The following UBXN2A variants were observed in gnomAD, a reference collection of about 807,000 sequenced individuals.
UBXN2A encodes the protein UBX domain-containing protein 2A.
In UBXN2A, 28 loss-of-function variants were observed where a neutral mutation model predicts 28.4. That is an observed-to-expected ratio of 0.99 (90% CI 0.73 to 1.35). UBXN2A has a LOEUF of 1.35. Among genes scored for constraint, UBXN2A ranks in the 40% most tolerant of loss-of-function variants. The pLI, the probability that UBXN2A is intolerant of heterozygous loss-of-function variation, is 0.00. For synonymous variants in UBXN2A, 97 were observed against 103.6 expected (o/e 0.94, Z 0.39); for missense variants, 253 against 297.9 (o/e 0.85, Z 1.11).
At chr2:23,940,911 T>C (rs1193696294) in intron 1 of UBXN2A, among the ~76,000 whole-genome samples, 1 of 152,024 alleles carries the variant, frequency 6.6e-6, no homozygotes, top group Non-Finnish European at 1.5e-5. Context: ...GCGAGCTAGC[T>C]GAAGGCACAG....
intron 3 of UBXN2A, among the ~76,000 whole-genome samples, chr2:23,975,375 A>G (rs1707612302): frequency 6.6e-6 from 1 of 152,186 alleles, no homozygotes; most frequent in Admixed American, 6.5e-5. Flanking sequence ...TTCTTTTTCT[A>G]ACTACATAAC....
At chr2:23,934,204 CTG>C (rs778398153) in intron 1 of UBXN2A, among the ~76,000 whole-genome samples, 7 of 151,332 alleles carry the variant, frequency 4.6e-5, no homozygotes, top group African/African-American at 7.2e-5. Context: ...GAACAAGACT[CTG>C]TGTTAAAATA....
chr2:23,990,579 A>G (rs903589653), intron 6 of UBXN2A, among the ~76,000 whole-genome samples: 3 of 151,610 alleles, frequency 2.0e-5, no homozygotes, highest in African/African-American at 7.3e-5. Flanking sequence ...TTCAAGACCA[A>G]CCTGGCCAAC....
intron 6 of UBXN2A, among the ~76,000 whole-genome samples, chr2:23,990,150 C>T (rs968010002): frequency 6.6e-6 from 1 of 151,810 alleles, no homozygotes; most frequent in African/African-American, 2.4e-5. Context: ...GCTAGGCTCT[C>T]TGACACATCA....
intron 4 of UBXN2A, 80 bp downstream of exon 4, chr2:23,977,155 G>C (rs1454674208): frequency 3.5e-5 from 40 of 1,129,254 alleles, no homozygotes; most frequent in South Asian, 9.0e-5. Context: ...CCTGAGCTCA[G>C]GAGTTCAAGG....
chr2:23,989,548 C>T (rs1003575690), intron 6 of UBXN2A, among the ~76,000 whole-genome samples: 6 of 151,658 alleles, frequency 4.0e-5, no homozygotes, highest in African/African-American at 9.7e-5. Flanking sequence ...CCACCACACC[C>T]GGCCTTATTT....
chr2:23,964,881 C>T (rs780340318), intron 2 of UBXN2A, among the ~76,000 whole-genome samples: 18 of 152,138 alleles, frequency 1.2e-4, no homozygotes, highest in East Asian at 5.8e-4. Context: ...CAGTGGCTCA[C>T]GTCTGTAATC....
intron 5 of UBXN2A, 142 bp from the exon 6 acceptor site, chr2:23,984,529 TTC>T (rs1708044782): frequency 1.6e-6 from 1 of 608,456 alleles, no homozygotes; most frequent in South Asian, 5.3e-5. Context: ...TAATATATCT[TTC>T]TGTTATTACT....
chr2:23,927,966 A>G (rs1445593307), intron 1 of UBXN2A, among the ~76,000 whole-genome samples: 3 of 152,236 alleles, frequency 2.0e-5, no homozygotes, highest in South Asian at 2.1e-4. Flanking sequence ...ACCTGAGGTC[A>G]AGAGTTCTAG....
chr2:23,932,331 G>GGA (rs113865608), intron 1 of UBXN2A, among the ~76,000 whole-genome samples: 5,728 of 146,860 alleles, frequency 0.039, 105 homozygotes, highest in South Asian at 0.047. Flanking sequence ...CGTCTTGGGG[G>GGA]AAAAAAAAAA....
At chr2:23,933,938 G>A (rs529345091) in intron 1 of UBXN2A, among the ~76,000 whole-genome samples, 3 of 152,126 alleles carry the variant, frequency 2.0e-5, no homozygotes, top group Admixed American at 6.5e-5. Flanking sequence ...ACATTAGGCC[G>A]GGAGTGGTGG....
chr2:23,941,240 T>C (rs563186089), intron 1 of UBXN2A, among the ~76,000 whole-genome samples: 2 of 152,244 alleles, frequency 1.3e-5, no homozygotes, highest in African/African-American at 4.8e-5. Flanking sequence ...TAATTTGAGA[T>C]AAGTAAAGAT....
intron 1 of UBXN2A, chr2:23,944,108 C>A: frequency 2.7e-6 from 2 of 738,372 alleles, no homozygotes; most frequent in South Asian, 1.4e-5. Flanking sequence ...TTTGGCATGT[C>A]AGCCCTGTTA....
upstream of UBXN2A, among the ~76,000 whole-genome samples, chr2:23,939,814 T>C (rs951472885): frequency 3.9e-5 from 6 of 152,180 alleles, no homozygotes; most frequent in South Asian, 2.1e-4. Context: ...TAAGTCCTTT[T>C]AGGAACACAA....
intron 1 of UBXN2A, among the ~76,000 whole-genome samples, chr2:23,929,845 G>A (rs1260366282): frequency 1.3e-5 from 2 of 152,146 alleles, no homozygotes; most frequent in Non-Finnish European, 2.9e-5. Flanking sequence ...AAATTGGGAA[G>A]GCCAAGTTAC....
At chr2:23,949,835 A>G (rs1410072413) in intron 1 of UBXN2A, among the ~76,000 whole-genome samples, 1 of 151,194 alleles carries the variant, frequency 6.6e-6, no homozygotes, top group East Asian at 2.0e-4. Context: ...AGACCTCACC[A>G]CTGCACTCTA....
At chr2:23,932,321 C>T (rs1573517534) in intron 1 of UBXN2A, among the ~76,000 whole-genome samples, 1 of 122,086 alleles carries the variant, frequency 8.2e-6, no homozygotes, top group Non-Finnish European at 1.7e-5. Flanking sequence ...TTTCCCCCTC[C>T]GTCTTGGGGG....
chr2:23,948,805 C>T (rs1029750332), intron 1 of UBXN2A, among the ~76,000 whole-genome samples: 9 of 152,116 alleles, frequency 5.9e-5, no homozygotes, highest in Non-Finnish European at 1.0e-4. Context: ...TTCTCTTTTG[C>T]TGTCATAAAA....
chr2:23,942,634 G>T (rs1040007449), intron 1 of UBXN2A, among the ~76,000 whole-genome samples: 1 of 151,772 alleles, frequency 6.6e-6, no homozygotes, highest in Non-Finnish European at 1.5e-5. Flanking sequence ...GGTCAGACTG[G>T]TCTCAAAATC....
Sources: gnomAD v4.1 joint callset for allele counts (sites outside exome capture counted in the v4.1 genomes callset) on GRCh38, gnomAD v4.1.1 for gene constraint, MANE v1.5 for transcripts, NCBI Gene and HGNC (gene_info 2026-07-23, HGNC 2026-07-21) for gene names.